Variants in CSF2 observed in about 807,000 individuals in gnomAD.
CSF2 encodes the protein colony stimulating factor 2, also known as granulocyte-macrophage colony-stimulating factor.
CSF2 carries 2 observed loss-of-function variants against 13.5 expected under a neutral mutation model. That is an observed-to-expected ratio of 0.15 (90% CI 0.06 to 0.47). CSF2 has a LOEUF of 0.47. Ranked by LOEUF, CSF2 falls within the 20% of genes least tolerant of loss-of-function variation. The pLI is 0.97. For synonymous variants in CSF2, 66 were observed against 69.2 expected, an observed-to-expected ratio of 0.95 and a Z score of 0.23; for missense variants, 141 against 179.7, an observed-to-expected ratio of 0.78 and a Z score of 1.23.
Position 132,073,815 on chromosome 5 carries a change from C to A in CSF2, c.-9C>A. 1 of 1,612,074 alleles carries A rather than the reference C, an allele frequency of 6.2e-7. No individual in the cohort carries two copies. The highest frequency in any genetic ancestry group is 1.1e-5 in the South Asian group (1 of 91,018). Reference sequence around the variant, plus strand: ...GTACACAGAGAGAAAGGCTAAAGTTCTCTGGAGGATGTGGCTGCAGAGCCT... The same window carrying A: ...GTACACAGAGAGAAAGGCTAAAGTTATCTGGAGGATGTGGCTGCAGAGCCT... On this transcript the variant is annotated 5_prime_UTR_variant, in exon 1 of 4. Transcript: ENST00000296871.
At position 132,075,851 on chromosome 5, in the gene CSF2, G is replaced by A. The variant is rs759609965; in HGVS notation, c.434G>A (p.Ter145=). The change falls in exon 4 of 4, where the codon TGA becomes TAA. Residue 145 remains the stop codon, a stop_retained_variant. Transcript: ENST00000296871. ...PFDCWEPVQE[*] is the part of the protein sequence containing the mutation. The stretch of plus-strand genomic sequence containing the variant: ...GACTGCTGGGAGCCAGTCCAGGAGT[G>A]AGACCGGCCAGATGAGGCTGGCCAA... 6.2e-6 allele frequency: 10 copies of A among 1,606,114 alleles called. No homozygotes were observed. The African/African-American group carries it at 6.7e-5, about 11-fold the overall frequency.
intron 2 of CSF2, 99 bp from the exon 3 acceptor site, chr5:132,074,711 C>T: frequency 6.3e-7 from 1 of 1,590,160 alleles, no homozygotes; most frequent in Non-Finnish European, 8.6e-7. Flanking sequence ...AAGCCCTACT[C>T]CTGGGGGCTG....
chr5:132,074,173 G>A, intron 2 of CSF2, 51 bp downstream of exon 2: 1 of 1,600,586 alleles, frequency 6.2e-7, no homozygotes. Context: ...GCCCTGGGGT[G>A]GAGGTGGGGA....
chr5:132,075,039 T>G (rs1580737076), intron 3 of CSF2, 104 bp downstream of exon 3: 1 of 1,548,290 alleles, frequency 6.5e-7, no homozygotes, highest in African/African-American at 1.4e-5. Context: ...CCCCAGGGGG[T>G]TTCTGTGCCA....
rs1172617002 is a variant in CSF2 at position 132,076,042 on chromosome 5, C to T, written c.*190C>T. On this transcript the variant is annotated 3_prime_UTR_variant, in exon 4 of 4. Transcript: ENST00000296871. ...GAAGAATGGGAATATTTTATACTGA[C>T]AGAAATCAGTAATATTTATATATTT... 2.6e-6 allele frequency: 1 copy of T among 386,224 alleles called. No homozygotes were observed. The highest frequency in any genetic ancestry group is 4.7e-6 in the Non-Finnish European group (1 of 214,588). The allele number at this position is 386,224 out of a possible 1,614,324, so 23.9% of individuals were successfully genotyped here.
chr5:132,073,794 A>C lies in CSF2; in HGVS notation c.-30A>C, dbSNP rs1182576826. On this transcript the variant is annotated 5_prime_UTR_variant, in exon 1 of 4. Transcript: ENST00000296871. ...GCTCTTTTGCCAGTGAGCCCAGTAC[A>C]CAGAGAGAAAGGCTAAAGTTCTCTG... The C allele has an allele frequency of 2.5e-6, 4 of 1,611,154 alleles. No individual in the cohort carries two copies. The highest frequency in any genetic ancestry group is 2.2e-5 in the East Asian group (1 of 44,886).
chr5:132,074,859 G>A lies in CSF2; in HGVS notation c.251G>A (p.Arg84Gln), dbSNP rs150936557. 82 of 1,613,594 alleles carry A rather than the reference G, an allele frequency of 5.1e-5. No homozygotes were observed. Among genetic ancestry groups the A allele is most frequent in the Admixed American group, 2.3e-4 (14 of 60,034 alleles). The change falls in exon 3 of 4, where the codon CGG (arginine) becomes CAG (glutamine). Residue 84 changes from arginine to glutamine, a missense_variant. Physicochemically the swap from Arg to Gln is conservative, Grantham distance 43. Transcript: ENST00000296871. ...CTGGAGCTGTACAAGCAGGGCCTGC[G>A]GGGCAGCCTCACCAAGCTCAAGGGC... The part of the protein sequence containing the change: ...TRLELYKQGL[R>Q]GSLTKLKGPL...
Position 132,073,853 on chromosome 5 carries a change from C to A in CSF2, c.30C>A (p.Gly10=), listed in dbSNP as rs1336861672. The A allele has an allele frequency of 2.2e-5, 35 of 1,612,794 alleles. No individual in the cohort carries two copies. Among genetic ancestry groups the A allele is most frequent in the Non-Finnish European group, 3.0e-5 (35 of 1,180,024 alleles). ...GGCTGCAGAGCCTGCTGCTCTTGGG[C>A]ACTGTGGCCTGCAGCATCTCTGCAC... MWLQSLLLL[G]TVACSISAPA... is the part of the protein sequence containing the mutation. Residue 10 remains glycine, a synonymous_variant, in exon 1 of 4, where the codon GGC becomes GGA. Transcript: ENST00000296871.
Position 132,074,852 on chromosome 5 carries a change from G to A in CSF2, c.244G>A (p.Gly82Ser). The A allele has an allele frequency of 6.2e-7, 1 of 1,613,640 alleles. No homozygotes were observed. The highest frequency in any genetic ancestry group is 8.5e-7 in the Non-Finnish European group (1 of 1,180,016). ...LQTRLELYKQ[G>S]LRGSLTKLKG... ...GACCCGCCTGGAGCTGTACAAGCAG[G>A]GCCTGCGGGGCAGCCTCACCAAGCT... The change falls in exon 3 of 4, where the codon GGC (glycine) becomes AGC (serine). Residue 82 changes from glycine to serine, a missense_variant. Gly to Ser is a moderately conservative substitution (Grantham distance 56, BLOSUM62 0). Transcript: ENST00000296871.
At chr5:132,074,234 C>T (rs1315459585) in intron 2 of CSF2, 112 bp downstream of exon 2, 2 of 1,286,464 alleles carry the variant, frequency 1.6e-6, no homozygotes, top group African/African-American at 2.9e-5. Context: ...CTCCAGTCAG[C>T]TGGCTGCAGG....
Position 132,075,846 on chromosome 5 carries a change from G to A in CSF2, c.429G>A (p.Gln143=). The A allele has an allele frequency of 6.2e-7, 1 of 1,608,282 alleles. No homozygotes were observed. Among genetic ancestry groups the A allele is most frequent in the Non-Finnish European group, 8.5e-7 (1 of 1,178,440 alleles). Reference sequence around the variant, plus strand: ...CCTTTGACTGCTGGGAGCCAGTCCAGGAGTGAGACCGGCCAGATGAGGCTG... The same window carrying A: ...CCTTTGACTGCTGGGAGCCAGTCCAAGAGTGAGACCGGCCAGATGAGGCTG... ...VIPFDCWEPV[Q]E is the part of the protein sequence containing the mutation. The change falls in exon 4 of 4, where the codon CAG becomes CAA. Residue 143 remains glutamine, a synonymous_variant. Coordinates refer to ENST00000296871, the MANE Select transcript of CSF2 (RefSeq NM_000758.4).
At chr5:132,074,186 C>T in intron 2 of CSF2, 64 bp downstream of exon 2, 2 of 1,567,388 alleles carry the variant, frequency 1.3e-6, no homozygotes. Context: ...GGTGGGGACT[C>T]CATTTTAGAT....
intron 3 of CSF2, among the ~76,000 whole-genome samples, chr5:132,075,155 GC>G (rs1219231887): frequency 3.9e-5 from 6 of 152,392 alleles, no homozygotes; most frequent in Admixed American, 6.5e-5. Flanking sequence ...CCCAGCAGGA[GC>G]TGCTCCTATC....
chr5:132,074,945 T>C lies in CSF2; in HGVS notation c.327+10T>C. On this transcript the variant is annotated intron_variant, in intron 3 of 3. Transcript: ENST00000296871. ...CTGCCCTCCAACCCCGGTGAGTGCC[T>C]ACGGCAGGGCCTCCAGCAGGAATGT... is the stretch of plus-strand genomic sequence containing the variant. The C allele has an allele frequency of 6.2e-7, 1 of 1,613,234 alleles. No individual in the cohort carries two copies. Among genetic ancestry groups the C allele is most frequent in the South Asian group, 1.1e-5 (1 of 91,076 alleles).
chr5:132,075,476 AG>A (rs1756692608), intron 3 of CSF2, among the ~76,000 whole-genome samples: 1 of 152,172 alleles, frequency 6.6e-6, no homozygotes, highest in Non-Finnish European at 1.5e-5. Flanking sequence ...GGGACCAAAA[AG>A]GCAGGCGTTT....
chr5:132,074,281 G>A (rs1756672316), intron 2 of CSF2, among the ~76,000 whole-genome samples, 159 bp downstream of exon 2: 1 of 152,220 alleles, frequency 6.6e-6, no homozygotes, highest in Admixed American at 6.5e-5. Context: ...AGAGGCTGCT[G>A]GCCGTGCCCC....
chr5:132,074,759 A>G (rs777033929), intron 2 of CSF2, 51 bp from the exon 3 acceptor site: 3 of 1,613,570 alleles, frequency 1.9e-6, no homozygotes, highest in East Asian at 2.2e-5. Flanking sequence ...GAGTTCTTGT[A>G]CCACTGTGGG....
chr5:132,074,737 AG>A, intron 2 of CSF2, 72 bp from the exon 3 acceptor site: 1 of 1,610,786 alleles, frequency 6.2e-7, no homozygotes, highest in South Asian at 1.1e-5. Context: ...AGCAGCAAAA[AG>A]GAGTGGTGGA....
At chr5:132,074,769 G>A in intron 2 of CSF2, 41 bp from the exon 3 acceptor site, 3 of 1,613,702 alleles carry the variant, frequency 1.9e-6, no homozygotes, top group Admixed American at 1.7e-5. Context: ...ACCACTGTGG[G>A]CACTTGGCCA....
Sources: allele counts gnomAD v4.1 joint callset (sites outside exome capture counted in the v4.1 genomes callset), GRCh38; gene constraint gnomAD v4.1.1; transcripts MANE v1.5; gene names NCBI Gene and HGNC (gene_info 2026-07-23, HGNC 2026-07-21).